Variants in CDH7 observed in about 807,000 individuals in gnomAD.
CDH7 encodes cadherin-7.
In CDH7, 25 loss-of-function variants were observed where a neutral mutation model predicts 71.8. The ratio of observed to expected loss-of-function variants is 0.35; its 90% CI spans 0.25 to 0.49. The LOEUF is 0.49. Ranked by LOEUF, CDH7 falls within the 20% of genes least tolerant of loss-of-function variation. The pLI, the probability that CDH7 is intolerant of heterozygous loss-of-function variation, is 0.99. For missense variants in CDH7, 862 were observed against 974.6 expected (o/e 0.88, Z 1.54); for synonymous variants, 381 against 363.8 (o/e 1.05, Z -0.54).
At chr18:65,789,102 T>C (rs1162121029) in intron 2 of CDH7, among the ~76,000 whole-genome samples, 1 of 152,214 alleles carries the variant, frequency 6.6e-6, no homozygotes, top group Non-Finnish European at 1.5e-5. Context: ...TTCCTGCAGA[T>C]TGTAATATGA....
intron 6 of CDH7, among the ~76,000 whole-genome samples, chr18:65,831,379 A>T (rs72944014): frequency 0.22 from 33,262 of 152,064 alleles, 3,863 homozygotes; most frequent in Non-Finnish European, 0.27. Flanking sequence ...CAACAAAGGC[A>T]GGCTTTACCG....
chr18:65,751,953 G>A (rs1367750376), intron 1 of CDH7, among the ~76,000 whole-genome samples: 2 of 152,210 alleles, frequency 1.3e-5, no homozygotes, highest in African/African-American at 4.8e-5. Context: ...CATAGTTCAG[G>A]TGAGTAAAGA....
chr18:65,856,452 G>A (rs1383113252), intron 7 of CDH7, among the ~76,000 whole-genome samples: 1 of 152,114 alleles, frequency 6.6e-6, no homozygotes, highest in African/African-American at 2.4e-5. Context: ...GTCCCTATTA[G>A]GATGAAGAAT....
At chr18:65,806,255 A>G (rs1911316233) in intron 2 of CDH7, among the ~76,000 whole-genome samples, 1 of 152,022 alleles carries the variant, frequency 6.6e-6, no homozygotes. Flanking sequence ...AGATTCAGCT[A>G]AGGATTCTAT....
intron 2 of CDH7, among the ~76,000 whole-genome samples, chr18:65,782,703 G>A (rs1037811333): frequency 6.6e-6 from 1 of 152,096 alleles, no homozygotes; most frequent in African/African-American, 2.4e-5. Context: ...ACTCTTAACT[G>A]TGCCTTATGT....
intron 6 of CDH7, among the ~76,000 whole-genome samples, chr18:65,840,520 T>C (rs967736118): frequency 6.6e-6 from 1 of 152,144 alleles, no homozygotes; most frequent in African/African-American, 2.4e-5. Context: ...ATGATTTCCA[T>C]GTGTTGTGGG....
intron 4 of CDH7, among the ~76,000 whole-genome samples, chr18:65,820,440 T>C (rs1415697644): frequency 6.6e-6 from 1 of 152,152 alleles, no homozygotes; most frequent in African/African-American, 2.4e-5. Flanking sequence ...TACACAATTA[T>C]ATAATACATG....
Position 65,859,782 on chromosome 18 carries a change from G to A in CDH7, c.1569G>A (p.Thr523=), listed in dbSNP as rs76133199. 360 of 1,610,160 alleles carry A rather than the reference G, an allele frequency of 2.2e-4. 1 individual carries two copies. The East Asian group carries it at 4.0e-3, about 18-fold the overall frequency. The change falls in exon 10 of 12, where the codon ACG becomes ACA. Residue 523 remains threonine (T), a synonymous_variant. Coordinates refer to ENST00000397968, the MANE Select transcript of CDH7 (RefSeq NM_004361.5). ...NGHQFYFSLT[T]DATNNHNFSL... ...ACCAGTTTTACTTCAGCTTAACAAC[G>A]GATGCAACAAATAACCACAACTTTT...
Position 65,782,157 on chromosome 18 carries a change from T to C in CDH7, c.210+19105T>C, listed in dbSNP as rs190438812. ...TTCTTTCTTTCTTTCTTTCTTTCTT[T>C]CTTTCTTCCTTTCTTTCTTTCTTTC... is the stretch of plus-strand genomic sequence containing the variant. On this transcript the variant is annotated intron_variant, in intron 2 of 11. Coordinates refer to ENST00000397968, the MANE Select transcript of CDH7 (RefSeq NM_004361.5). Among the ~76,000 whole-genome samples the C allele has an allele frequency of 2.8e-4, 32 of 112,652 alleles. 1 individual carries two copies. The East Asian group carries it at 5.1e-3, about 18-fold the overall frequency. The allele number at this position is 112,652 out of a possible 152,430, so 73.9% of individuals were successfully genotyped here.
intron 6 of CDH7, among the ~76,000 whole-genome samples, chr18:65,840,807 T>A (rs1912705462): frequency 6.6e-6 from 1 of 152,186 alleles, no homozygotes; most frequent in African/African-American, 2.4e-5. Context: ...GAAAACGAAC[T>A]AGTACAATGT....
intron 1 of CDH7, 27 bp from the exon 2 acceptor site, chr18:65,762,620 C>T (rs1916224395): frequency 4.9e-6 from 2 of 406,290 alleles, no homozygotes; most frequent in East Asian, 7.2e-5. Context: ...TGGTTCCTGA[C>T]ACCAGCTCTT....
At chr18:65,874,503 C>A (rs958799022) in intron 11 of CDH7, among the ~76,000 whole-genome samples, 6 of 151,926 alleles carry the variant, frequency 3.9e-5, no homozygotes, top group Admixed American at 3.9e-4. Context: ...GAATAATAGA[C>A]GTTGGAAACT....
At position 65,857,891 on chromosome 18, in the gene CDH7, C is replaced by G. The variant is rs757207186; in HGVS notation, c.1311C>G (p.Ala437=). 1.4e-5 allele frequency: 22 copies of G among 1,613,432 alleles called. No homozygotes were observed. The Admixed American group carries it at 2.5e-4, about 18-fold the overall frequency. ...CCAACAGTGGGGTCATCACAACTGCCAAGTCTTTGGATCGAGAGACAAATG... is the reference window on the plus strand; with the variant it reads ...CCAACAGTGGGGTCATCACAACTGCGAAGTCTTTGGATCGAGAGACAAATG... ...IDANSGVITT[A]KSLDRETNAI... Residue 437 remains alanine (A), a synonymous_variant, in exon 8 of 12, where the codon GCC becomes GCG. Transcript: ENST00000397968.
intron 2 of CDH7, among the ~76,000 whole-genome samples, chr18:65,781,819 CTTCTTTCTTTCTTTCT>C (rs1224080276): frequency 6.8e-5 from 3 of 43,920 alleles, no homozygotes; most frequent in African/African-American, 3.1e-4. Flanking sequence ...TCCTTCCTTC[CTTCTTTCTTTCTTTCT>C]TTCTTTCTTT....
rs376671422 is a variant in CDH7, at chr18:65,797,704, A to G, written c.211-12000A>G. 1.4e-4 allele frequency among the ~76,000 whole-genome samples: 21 copies of G among 152,326 alleles called. 1 individual carries two copies. Among genetic ancestry groups the G allele is most frequent in the African/African-American group, 4.8e-4 (20 of 41,584 alleles). On this transcript the variant is annotated intron_variant, in intron 2 of 11. Transcript: ENST00000397968. ...AGTGTTCTGAAATTGAAATTATGCC[A>G]GAGACTTTTTGAGGTAAGCTTTTAA...
chr18:65,888,292 C>A lies in CDH7; in HGVS notation c.*7398C>A, dbSNP rs1359186707. 1 of 152,054 alleles carries A rather than the reference C, an allele frequency of 6.6e-6. No individual in the cohort carries two copies. Among genetic ancestry groups the A allele is most frequent in the East Asian group, 1.9e-4 (1 of 5,184 alleles). The allele number at this position is 152,054 out of a possible 1,614,324, so 9.4% of individuals were successfully genotyped here. A position where few individuals can be genotyped will look rare whatever the true frequency, so the allele number is the denominator to read the frequency against. ...AAGACAAGCCGTGAGAATGTGAGAC[C>A]TCAGTATATTGCTGTGTTTTATTGT... is the stretch of plus-strand genomic sequence containing the variant. On this transcript the variant is annotated 3_prime_UTR_variant, in exon 12 of 12. Coordinates refer to ENST00000397968, the MANE Select transcript of CDH7 (RefSeq NM_004361.5).
chr18:65,879,946 A>G (rs368759078), intron 11 of CDH7, among the ~76,000 whole-genome samples: 2 of 152,344 alleles, frequency 1.3e-5, no homozygotes, highest in East Asian at 3.9e-4. Flanking sequence ...CATTTCTTCA[A>G]AGAACCTGAC....
rs1235645640 is a variant in CDH7 at position 65,814,621 on chromosome 18, G to C, written c.625+17G>C. 1 of 1,599,380 alleles carries C rather than the reference G, an allele frequency of 6.3e-7. No individual in the cohort carries two copies. The highest frequency in any genetic ancestry group is 1.8e-5 in the Admixed American group (1 of 57,022). Reference sequence around the variant, plus strand: ...CAAAGACAGGTAAAAATTGAAATGTGACATTCTTGTAAAGTCATCATTTGT... The same window carrying C: ...CAAAGACAGGTAAAAATTGAAATGTCACATTCTTGTAAAGTCATCATTTGT... On this transcript the variant is annotated intron_variant, in intron 4 of 11. Transcript: ENST00000397968.
chr18:65,835,181 T>C (rs1009812358), intron 6 of CDH7, among the ~76,000 whole-genome samples: 4 of 152,130 alleles, frequency 2.6e-5, no homozygotes, highest in Non-Finnish European at 5.9e-5. Flanking sequence ...TGTATGGTCT[T>C]TTGAGGCTGT....
Sources: allele counts gnomAD v4.1 joint callset (sites outside exome capture counted in the v4.1 genomes callset), GRCh38; gene constraint gnomAD v4.1.1; transcripts MANE v1.5; gene names NCBI Gene and HGNC (gene_info 2026-07-23, HGNC 2026-07-21).